Variants in METTL15 observed in about 807,000 individuals in gnomAD.
METTL15 encodes the protein methyltransferase 15, mitochondrial 12S rRNA N4-cytidine.
METTL15 carries 34 observed loss-of-function variants against 38.3 expected under a neutral mutation model. The observed-to-expected ratio is 0.89, with a 90% CI of 0.68 to 1.18. The LOEUF is 1.18. METTL15 is among the 50% of genes most tolerant of loss of function. The pLI is 0.00. For synonymous variants in METTL15, 162 were observed against 170.9 expected (o/e 0.95, Z 0.41); for missense variants, 438 against 498.4 (o/e 0.88, Z 1.15).
intron 4 of METTL15, among the ~76,000 whole-genome samples, chr11:28,242,844 C>G (rs1423084690): frequency 6.6e-6 from 1 of 152,064 alleles, no homozygotes; most frequent in Non-Finnish European, 1.5e-5. Flanking sequence ...TCTAGCCAGC[C>G]TTCTTCAAGA....
At chr11:28,522,398 T>G (rs1353662913) in intron 6 of METTL15, among the ~76,000 whole-genome samples, 1 of 152,192 alleles carries the variant, frequency 6.6e-6, no homozygotes, top group Non-Finnish European at 1.5e-5. Flanking sequence ...ACTGTACAGT[T>G]CAAGTCCAAA....
intron 4 of METTL15, among the ~76,000 whole-genome samples, chr11:28,221,138 T>C (rs1853195250): frequency 6.6e-6 from 1 of 152,222 alleles, no homozygotes; most frequent in Non-Finnish European, 1.5e-5. Flanking sequence ...TTCTCCTGGA[T>C]AGTATCCTGC....
At chr11:28,269,478 C>T (rs1183241866) in intron 4 of METTL15, among the ~76,000 whole-genome samples, 1 of 151,896 alleles carries the variant, frequency 6.6e-6, no homozygotes, top group African/African-American at 2.4e-5. Flanking sequence ...AACTGAGTGT[C>T]ATAGTTTTAT....
At chr11:28,456,548 T>C (rs1851170837) in intron 6 of METTL15, among the ~76,000 whole-genome samples, 1 of 149,246 alleles carries the variant, frequency 6.7e-6, no homozygotes, top group Admixed American at 6.7e-5. Flanking sequence ...TTCCAGCATT[T>C]TTCCTGCCTC....
chr11:28,314,986 C>T (rs1857430990), intron 6 of METTL15, among the ~76,000 whole-genome samples: 1 of 152,186 alleles, frequency 6.6e-6, no homozygotes, highest in Non-Finnish European at 1.5e-5. Flanking sequence ...TCCAATTAAA[C>T]CTCTTTCTTC....
chr11:28,401,940 T>C (rs994516055), intron 5 of METTL15, among the ~76,000 whole-genome samples: 5 of 152,034 alleles, frequency 3.3e-5, no homozygotes, highest in Non-Finnish European at 7.4e-5. Context: ...ACTTAGTGAC[T>C]TATTTTTTTC....
intron 6 of METTL15, among the ~76,000 whole-genome samples, chr11:28,503,991 T>C (rs1851606289): frequency 6.7e-6 from 1 of 148,946 alleles, no homozygotes; most frequent in South Asian, 2.1e-4. Context: ...AGGTCAGGAG[T>C]TCAAGACCAG....
intron 4 of METTL15, among the ~76,000 whole-genome samples, chr11:28,361,349 A>G (rs1850136486): frequency 6.6e-6 from 1 of 151,890 alleles, no homozygotes; most frequent in African/African-American, 2.4e-5. Context: ...AATGATTGCC[A>G]TTCTAACTGG....
chr11:28,443,338 T>A (rs1194325914), intron 6 of METTL15, among the ~76,000 whole-genome samples: 1 of 152,162 alleles, frequency 6.6e-6, no homozygotes, highest in African/African-American at 2.4e-5. Context: ...GGTCCTTTGC[T>A]GAGTTCTCCC....
chr11:28,186,914 T>G (rs1030652798), intron 3 of METTL15, among the ~76,000 whole-genome samples: 2 of 151,162 alleles, frequency 1.3e-5, no homozygotes, highest in African/African-American at 4.8e-5. Context: ...ATTTTTATAC[T>G]AAATCACTGT....
At position 28,379,181 on chromosome 11, in the gene METTL15, C is replaced by T. The variant is rs543096299; in HGVS notation, c.*358+17145C>T. Among the ~76,000 whole-genome samples the T allele has an allele frequency of 1.1e-3, 140 of 131,254 alleles. 1 individual carries two copies. The highest frequency in any genetic ancestry group is 1.6e-3 in the Admixed American group (23 of 14,094). The allele number at this position is 131,254 out of a possible 152,430, so 86.1% of individuals were successfully genotyped here. A position where few individuals can be genotyped will look rare whatever the true frequency, so the allele number is the denominator to read the frequency against. On this transcript the variant is annotated intron_variant and NMD_transcript_variant, in intron 5 of 7. Transcript: ENST00000532947. ...AACCACCTTTAATTTTATTGATCTT[C>T]TGTATTGTTAATTTAGTCTAAATTA... is the stretch of plus-strand genomic sequence containing the variant.
intron 3 of METTL15, among the ~76,000 whole-genome samples, chr11:28,191,240 A>C (rs2133802684): frequency 6.6e-6 from 1 of 151,412 alleles, no homozygotes; most frequent in African/African-American, 2.4e-5. Context: ...AGTTTGTGAA[A>C]GTTTTTTTTT....
chr11:28,453,402 A>G (rs909060652), intron 6 of METTL15, among the ~76,000 whole-genome samples: 1 of 152,210 alleles, frequency 6.6e-6, no homozygotes, highest in Non-Finnish European at 1.5e-5. Context: ...TAGCTGATAC[A>G]TTTTCTTAAC....
chr11:28,217,847 T>C (rs1852972532), intron 4 of METTL15, among the ~76,000 whole-genome samples: 1 of 152,194 alleles, frequency 6.6e-6, no homozygotes, highest in African/African-American at 2.4e-5. Context: ...TTTGTCAGGT[T>C]TGTCAAAGAT....
chr11:28,308,033 C>T (rs546266888), intron 6 of METTL15, among the ~76,000 whole-genome samples: 5 of 152,026 alleles, frequency 3.3e-5, no homozygotes, highest in Non-Finnish European at 5.9e-5. Flanking sequence ...GTTTTGTTCT[C>T]GCTTTTGAAT....
At chr11:28,201,243 A>G (rs1037322453) in intron 3 of METTL15, among the ~76,000 whole-genome samples, 1 of 152,112 alleles carries the variant, frequency 6.6e-6, no homozygotes, top group Non-Finnish European at 1.5e-5. Context: ...GATGAAGCCA[A>G]CTTGATCATG....
intron 6 of METTL15, among the ~76,000 whole-genome samples, chr11:28,522,199 G>A (rs1284926906): frequency 6.6e-6 from 1 of 152,192 alleles, no homozygotes; most frequent in African/African-American, 2.4e-5. Context: ...TTAGAGTGAA[G>A]TCTAAAATTG....
At chr11:28,392,751 T>C (rs1044746728) in intron 5 of METTL15, among the ~76,000 whole-genome samples, 17 of 152,030 alleles carry the variant, frequency 1.1e-4, no homozygotes, top group African/African-American at 3.6e-4. Flanking sequence ...GCAAACCACA[T>C]TGTTTGAAAA....
At chr11:28,215,438 C>G (rs1045098679) in intron 4 of METTL15, among the ~76,000 whole-genome samples, 6 of 151,818 alleles carry the variant, frequency 4.0e-5, no homozygotes, top group African/African-American at 1.5e-4. Context: ...TGTGGCTCGC[C>G]TCTGAGGAGA....
Sources: allele counts gnomAD v4.1 joint callset (sites outside exome capture counted in the v4.1 genomes callset), GRCh38; gene constraint gnomAD v4.1.1; transcripts MANE v1.5; gene names NCBI Gene and HGNC (gene_info 2026-07-23, HGNC 2026-07-21).